Variants in ZDHHC2 observed in about 807,000 individuals in gnomAD.
The protein encoded by ZDHHC2 is palmitoyltransferase ZDHHC2.
ZDHHC2 carries 51 observed loss-of-function variants against 55.6 expected under a neutral mutation model. The ratio of observed to expected loss-of-function variants is 0.92; its 90% CI spans 0.73 to 1.16. ZDHHC2 has a LOEUF of 1.16. Ranked by LOEUF, ZDHHC2 falls within the 50% of genes most tolerant of loss-of-function variation. The pLI, the probability that ZDHHC2 is intolerant of heterozygous loss-of-function variation, is 0.00. For synonymous variants in ZDHHC2, 199 were observed against 152.9 expected (o/e 1.30, Z -2.22); for missense variants, 491 against 442.4 (o/e 1.11, Z -0.99).
At chr8:17,205,579 A>C in intron 6 of ZDHHC2, 76 bp from the exon 7 acceptor site, 1 of 1,422,644 alleles carries the variant, frequency 7.0e-7, no homozygotes, top group Non-Finnish European at 9.2e-7. Context: ...AGAGGAAGCT[A>C]AACACTTGCT....
intron 1 of ZDHHC2, among the ~76,000 whole-genome samples, chr8:17,170,536 C>T (rs1408118081): frequency 6.6e-6 from 1 of 152,106 alleles, no homozygotes; most frequent in African/African-American, 2.4e-5. Context: ...GTTACGTGTG[C>T]CTGTACTCTG....
chr8:17,172,836 C>A (rs1409673322), intron 1 of ZDHHC2, among the ~76,000 whole-genome samples: 1 of 152,176 alleles, frequency 6.6e-6, no homozygotes, highest in Non-Finnish European at 1.5e-5. Flanking sequence ...CTTACTCTTT[C>A]TAGTATCACC....
At chr8:17,161,577 G>T (rs1160425841) in intron 1 of ZDHHC2, among the ~76,000 whole-genome samples, 1 of 152,108 alleles carries the variant, frequency 6.6e-6, no homozygotes, top group Non-Finnish European at 1.5e-5. Context: ...ATTACTTATT[G>T]GCCAGCACGG....
intron 3 of ZDHHC2, among the ~76,000 whole-genome samples, chr8:17,193,956 T>A (rs1806176083): frequency 1.3e-5 from 2 of 152,280 alleles, no homozygotes; most frequent in South Asian, 4.1e-4. Flanking sequence ...TGTGTGATGT[T>A]CCTTCCTGTG....
Position 17,197,652 on chromosome 8 carries a change from G to C in ZDHHC2, c.443+1G>C. ...GCCATCACTGCTCCGTCTGTGATAA[G>C]TAAGAGAACCTTTAACTTCTAAAAT... On this transcript the variant is annotated splice_donor_variant, in intron 5 of 12. Transcript: ENST00000262096. LOFTEE classifies it high-confidence loss of function. 1.9e-6 allele frequency: 3 copies of C among 1,612,586 alleles called. No individual in the cohort carries two copies. Among genetic ancestry groups the C allele is most frequent in the Non-Finnish European group, 2.5e-6 (3 of 1,179,230 alleles).
At position 17,224,759 on chromosome 8, in the gene ZDHHC2, C is replaced by A. The variant is rs1035089870; in HGVS notation, c.*4538C>A. The A allele has an allele frequency of 8.6e-5, 13 of 151,628 alleles. No homozygotes were observed. Among genetic ancestry groups the A allele is most frequent in the African/African-American group, 2.9e-4 (12 of 41,358 alleles). 9.4% of individuals were successfully genotyped at this position (151,628 alleles called of 1,614,324 possible). A position where few individuals can be genotyped will look rare whatever the true frequency, so the allele number is the denominator to read the frequency against. On this transcript the variant is annotated 3_prime_UTR_variant, in exon 13 of 13. Coordinates refer to ENST00000262096, the MANE Select transcript of ZDHHC2 (RefSeq NM_016353.5). The stretch of plus-strand genomic sequence containing the variant: ...TCTTTTTCTGTCAGTATGTATGGCT[C>A]CCTAATTGAAAACATCTTAAATGAA...
At chr8:17,172,161 C>CT (rs1352925014) in intron 1 of ZDHHC2, among the ~76,000 whole-genome samples, 1 of 152,160 alleles carries the variant, frequency 6.6e-6, no homozygotes, top group Non-Finnish European at 1.5e-5. Flanking sequence ...ATCCTTTTAA[C>CT]TTTTTTGCCT....
At chr8:17,213,616 T>C (rs1431742434) in intron 10 of ZDHHC2, among the ~76,000 whole-genome samples, 1 of 152,192 alleles carries the variant, frequency 6.6e-6, no homozygotes, top group African/African-American at 2.4e-5. Flanking sequence ...TATGTATATA[T>C]TGTTTATTTC....
Position 17,220,645 on chromosome 8 carries a change from A to G in ZDHHC2, c.*424A>G, listed in dbSNP as rs923163960. ...GATTTCAGAGATTTCAAGTCACATT[A>G]TAATGATAAGCATTATTCATAAAAC... is the stretch of plus-strand genomic sequence containing the variant. On this transcript the variant is annotated 3_prime_UTR_variant, in exon 13 of 13. Coordinates refer to ENST00000262096, the MANE Select transcript of ZDHHC2 (RefSeq NM_016353.5). 6.6e-6 allele frequency: 1 copy of G among 152,230 alleles called. No individual in the cohort carries two copies. The highest frequency in any genetic ancestry group is 2.4e-5 in the African/African-American group (1 of 41,464). 9.4% of individuals were successfully genotyped at this position (152,230 alleles called of 1,614,324 possible). A position where few individuals can be genotyped will look rare whatever the true frequency, so the allele number is the denominator to read the frequency against.
chr8:17,207,601 T>G (rs1182786527), intron 7 of ZDHHC2, among the ~76,000 whole-genome samples: 4 of 152,210 alleles, frequency 2.6e-5, no homozygotes, highest in Non-Finnish European at 5.9e-5. Context: ...TTCTGTAGTA[T>G]GTTAACAAAA....
chr8:17,196,090 A>G (rs185832490), intron 4 of ZDHHC2, among the ~76,000 whole-genome samples: 88 of 152,290 alleles, frequency 5.8e-4, no homozygotes, highest in African/African-American at 2.1e-3. Flanking sequence ...TTTTTTATCT[A>G]TCTTTAAAAT....
At chr8:17,167,054 T>C (rs771173658) in intron 1 of ZDHHC2, among the ~76,000 whole-genome samples, 8 of 152,142 alleles carry the variant, frequency 5.3e-5, no homozygotes, top group Non-Finnish European at 8.8e-5. Context: ...CCATGTCTGG[T>C]TTATGCACTC....
intron 1 of ZDHHC2, among the ~76,000 whole-genome samples, chr8:17,167,491 G>C (rs914029689): frequency 1.3e-5 from 2 of 151,814 alleles, no homozygotes; most frequent in Admixed American, 6.6e-5. Flanking sequence ...TTTTTGTAGA[G>C]ACGGGGTTTC....
chr8:17,172,114 C>T (rs1441517614), intron 1 of ZDHHC2, among the ~76,000 whole-genome samples: 1 of 152,030 alleles, frequency 6.6e-6, no homozygotes, highest in Non-Finnish European at 1.5e-5. Context: ...TCTTAAAGCC[C>T]CTGCACCTGG....
At chr8:17,210,139 TC>T (rs1807304680) in intron 9 of ZDHHC2, 81 bp downstream of exon 9, 1 of 1,436,216 alleles carries the variant, frequency 7.0e-7, no homozygotes, top group Non-Finnish European at 9.3e-7. Flanking sequence ...AGCCTCTAGT[TC>T]CATAGGCTTG....
chr8:17,205,642 G>C lies in ZDHHC2; in HGVS notation c.477-13G>C. 6.3e-7 allele frequency: 1 copy of C among 1,584,826 alleles called. No homozygotes were observed. The highest frequency in any genetic ancestry group is 2.3e-5 in the East Asian group (1 of 43,974). ...TGTAAAACTCACTGGAAATGTTTTT[G>C]TTTTGTTAACAGGGTGAACAATTGT... On this transcript the variant is annotated splice_polypyrimidine_tract_variant and intron_variant, in intron 6 of 12. Coordinates refer to ENST00000262096, the MANE Select transcript of ZDHHC2 (RefSeq NM_016353.5).
intron 1 of ZDHHC2, among the ~76,000 whole-genome samples, chr8:17,176,579 C>T (rs563637722): frequency 1.2e-4 from 18 of 152,016 alleles, no homozygotes; most frequent in Admixed American, 8.5e-4. Flanking sequence ...AGCTGAGTGC[C>T]GTGATCAAGA....
At chr8:17,182,348 T>C (rs185676783) in intron 1 of ZDHHC2, among the ~76,000 whole-genome samples, 61 of 152,280 alleles carry the variant, frequency 4.0e-4, no homozygotes, top group African/African-American at 1.4e-3. Flanking sequence ...CATAGTGTTT[T>C]AAAAATAATG....
At chr8:17,201,479 C>CTTTTTTTTTGTTTTT (rs1563163077) in intron 6 of ZDHHC2, among the ~76,000 whole-genome samples, 1 of 88,194 alleles carries the variant, frequency 1.1e-5, no homozygotes, top group African/African-American at 3.5e-5. Flanking sequence ...CTCTCTCTCT[C>CTTTTTTTTTGTTTTT]TCTTTTTTTT....
Sources: gnomAD v4.1 joint callset for allele counts (sites outside exome capture counted in the v4.1 genomes callset) on GRCh38, gnomAD v4.1.1 for gene constraint, MANE v1.5 for transcripts, NCBI Gene and HGNC (gene_info 2026-07-23, HGNC 2026-07-21) for gene names.